Variants in WDR64 observed in about 807,000 individuals in gnomAD.
WDR64 encodes WD repeat-containing protein 64.
WDR64 carries 112 observed loss-of-function variants against 139.3 expected under a neutral mutation model. The observed-to-expected ratio is 0.80, with a 90% CI of 0.69 to 0.94. The LOEUF is 0.94. WDR64 is among the 40% of genes least tolerant of loss of function. The pLI, the probability that WDR64 is intolerant of heterozygous loss-of-function variation, is 0.00. For synonymous variants in WDR64, 444 were observed against 437.7 expected, an observed-to-expected ratio of 1.01 and a Z score of -0.18; for missense variants, 1,206 against 1,293.1, an observed-to-expected ratio of 0.93 and a Z score of 1.03.
At chr1:241,783,487 C>G (rs905964822) in intron 23 of WDR64, 106 bp downstream of exon 23, 2 of 783,764 alleles carry the variant, frequency 2.6e-6, no homozygotes, top group Non-Finnish European at 2.0e-6. Flanking sequence ...TCTTGGTAAA[C>G]TGATTTAAAT....
chr1:241,688,495 C>T (rs542570367), intron 8 of WDR64, among the ~76,000 whole-genome samples: 92 of 152,244 alleles, frequency 6.0e-4, no homozygotes, highest in African/African-American at 2.0e-3. Flanking sequence ...AAAAGCTCAT[C>T]GAGACTCCTG....
intron 3 of WDR64, among the ~76,000 whole-genome samples, chr1:241,673,666 C>G (rs546254780): frequency 6.6e-6 from 1 of 152,154 alleles, no homozygotes; most frequent in Non-Finnish European, 1.5e-5. Context: ...TTGAGATACA[C>G]GGATGAGGGT....
In WDR64 at chr1:241,674,256, C is replaced by CTTTTTTTTTTT. The variant is rs544401027; in HGVS notation, c.380-384_380-383insTTTTTTTTTTT. Among the ~76,000 whole-genome samples the CTTTTTTTTTTT allele has an allele frequency of 3.2e-3, 386 of 121,244 alleles. 17 individuals carry two copies. The highest frequency in any genetic ancestry group is 4.2e-3 in the Non-Finnish European group (246 of 58,848). The allele number at this position is 121,244 out of a possible 152,430, so 79.5% of individuals were successfully genotyped here. Reference sequence around the variant, plus strand: ...AAGCTGGCTGTTTATCTTTTTTTTTCTTTTCTTTTTTTTTTTTTTTGAGAC... The same window carrying CTTTTTTTTTTT: ...AAGCTGGCTGTTTATCTTTTTTTTTCTTTTTTTTTTTTTTTCTTTTTTTTTTTTTTTGAGAC... On this transcript the variant is annotated intron_variant, in intron 3 of 27. Transcript: ENST00000437684.
At chr1:241,714,848 C>T (rs988735471) in intron 9 of WDR64, among the ~76,000 whole-genome samples, 1 of 152,106 alleles carries the variant, frequency 6.6e-6, no homozygotes, top group Non-Finnish European at 1.5e-5. Flanking sequence ...GCTCATTTTC[C>T]TTATCTGGTG....
intron 22 of WDR64, 73 bp from the exon 23 acceptor site, chr1:241,783,198 AT>A: frequency 7.7e-7 from 1 of 1,305,618 alleles, no homozygotes; most frequent in Non-Finnish European, 1.1e-6. Context: ...TCAATGAGAA[AT>A]GATTTTGTTG....
At chr1:241,767,233 C>G (rs1201010032) in intron 16 of WDR64, among the ~76,000 whole-genome samples, 1 of 152,176 alleles carries the variant, frequency 6.6e-6, no homozygotes, top group Non-Finnish European at 1.5e-5. Context: ...CAGATTGGGG[C>G]TAACAAGGGC....
chr1:241,721,508 C>G (rs1024165270), intron 9 of WDR64, among the ~76,000 whole-genome samples: 4 of 152,004 alleles, frequency 2.6e-5, no homozygotes, highest in Non-Finnish European at 5.9e-5. Context: ...TGTTGTATTA[C>G]TAACTCAATT....
chr1:241,749,315 G>A (rs1646146431), intron 13 of WDR64, among the ~76,000 whole-genome samples: 2 of 152,154 alleles, frequency 1.3e-5, no homozygotes, highest in African/African-American at 4.8e-5. Flanking sequence ...ATTTCAAGGC[G>A]TTGCCTGGTC....
intron 10 of WDR64, among the ~76,000 whole-genome samples, chr1:241,727,259 G>A (rs1295204391): frequency 6.6e-6 from 1 of 152,188 alleles, no homozygotes; most frequent in African/African-American, 2.4e-5. Context: ...CTAAAAACAT[G>A]TTACGATTGA....
At chr1:241,673,073 A>T (rs1267928982) in intron 3 of WDR64, among the ~76,000 whole-genome samples, 1 of 152,094 alleles carries the variant, frequency 6.6e-6, no homozygotes, top group African/African-American at 2.4e-5. Context: ...CATTCTCAGC[A>T]AACTATCGCA....
At chr1:241,734,351 T>C (rs555113891) in intron 10 of WDR64, among the ~76,000 whole-genome samples, 1 of 152,288 alleles carries the variant, frequency 6.6e-6, no homozygotes, top group Admixed American at 6.5e-5. Flanking sequence ...GGCTATGTCA[T>C]GGGCGTGTGT....
At chr1:241,679,914 C>CT (rs1666712912) in intron 6 of WDR64, among the ~76,000 whole-genome samples, 1 of 152,124 alleles carries the variant, frequency 6.6e-6, no homozygotes, top group Non-Finnish European at 1.5e-5. Context: ...AAGTTCAAGT[C>CT]TTTTCTCCCG....
chr1:241,771,881 CACATATACATATATACAT>C (rs1185413312), intron 19 of WDR64, among the ~76,000 whole-genome samples, 184 bp downstream of exon 19: 9 of 145,570 alleles, frequency 6.2e-5, no homozygotes, highest in African/African-American at 2.0e-4. Flanking sequence ...CATACCCACA[CACATATACATATATACAT>C]ACATACACAC....
Position 241,783,364 on chromosome 1 carries a change from C to T in WDR64, c.2688C>T (p.Ser896=). ...VEEKQVVLTA[S]IDGSVRLWHA... ...AAAAACAAGTGGTACTTACTGCCTC[C>T]ATCGATGGCTCAGTAAGGTAGGCCA... is the stretch of plus-strand genomic sequence containing the variant. Residue 896 remains serine (S), a synonymous_variant, in exon 23 of 28, where the codon TCC becomes TCT. Transcript: ENST00000437684. 1 of 1,613,698 alleles carries T rather than the reference C, an allele frequency of 6.2e-7. No individual in the cohort carries two copies. The highest frequency in any genetic ancestry group is 8.5e-7 in the Non-Finnish European group (1 of 1,179,708).
At chr1:241,730,864 T>G (rs1262973002) in intron 10 of WDR64, among the ~76,000 whole-genome samples, 1 of 152,152 alleles carries the variant, frequency 6.6e-6, no homozygotes, top group Non-Finnish European at 1.5e-5. Context: ...AGACATCAAG[T>G]TCAATTTTCC....
chr1:241,785,833 A>G lies in WDR64; in HGVS notation c.2706-2016A>G, dbSNP rs1372491492. ...GAGGCTGAACTCTGGGATGCAGGAC[A>G]GGTGATCAGTCTGTAGACAGAAGTT... On this transcript the variant is annotated intron_variant, in intron 23 of 27. Coordinates refer to ENST00000437684, the MANE Select transcript of WDR64 (RefSeq NM_001367482.1). Among the ~76,000 whole-genome samples the G allele has an allele frequency of 2.6e-5, 4 of 152,350 alleles. No individual in the cohort carries two copies. The East Asian group carries it at 7.7e-4, about 29-fold the overall frequency.
intron 8 of WDR64, among the ~76,000 whole-genome samples, chr1:241,706,847 A>T (rs12734249): frequency 0.32 from 48,148 of 152,042 alleles, 7,959 homozygotes; most frequent in Non-Finnish European, 0.37. Context: ...TAAATAATTG[A>T]TTTTTAATTG....
At chr1:241,655,511 A>G (rs926855954) in intron 1 of WDR64, among the ~76,000 whole-genome samples, 3 of 152,124 alleles carry the variant, frequency 2.0e-5, no homozygotes, top group African/African-American at 7.2e-5. Flanking sequence ...TCACCTCTAA[A>G]ATCCACATAT....
intron 15 of WDR64, among the ~76,000 whole-genome samples, chr1:241,765,511 G>A (rs1008522826): frequency 2.0e-5 from 3 of 152,192 alleles, no homozygotes; most frequent in African/African-American, 7.2e-5. Context: ...AGCAAAGCCT[G>A]GAGTCAAGGA....
Sources: allele counts gnomAD v4.1 joint callset (sites outside exome capture counted in the v4.1 genomes callset), GRCh38; gene constraint gnomAD v4.1.1; transcripts MANE v1.5; gene names NCBI Gene and HGNC (gene_info 2026-07-23, HGNC 2026-07-21).